NEXMIF: variants seen among roughly 807,000 people sequenced by gnomAD.
The protein encoded by NEXMIF is neurite extension and migration factor.
NEXMIF carries 8 observed loss-of-function variants against 62.1 expected under a neutral mutation model. The observed-to-expected ratio is 0.13, with a 90% CI of 0.08 to 0.23. NEXMIF has a LOEUF of 0.23. NEXMIF is among the 10% of genes least tolerant of loss of function. The pLI, the probability that NEXMIF is intolerant of heterozygous loss-of-function variation, is 1.00. For missense variants in NEXMIF, 976 were observed against 1,113.3 expected (o/e 0.88, Z 1.75); for synonymous variants, 404 against 416.6 (o/e 0.97, Z 0.37).
At chrX:74,770,443 G>C (rs1401491394) in intron 1 of NEXMIF, among the ~76,000 whole-genome samples, 2 of 112,012 alleles carry the variant, frequency 1.8e-5, no homozygotes, top group Non-Finnish European at 3.8e-5. Flanking sequence ...AAAGTAAATA[G>C]ATATGTATGT....
intron 1 of NEXMIF, among the ~76,000 whole-genome samples, chrX:74,817,446 A>G (rs927895081): frequency 8.1e-5 from 9 of 111,741 alleles, no homozygotes; most frequent in Admixed American, 2.9e-4. Context: ...AAAATACACT[A>G]AAGTTCTTTA....
intron 1 of NEXMIF, among the ~76,000 whole-genome samples, chrX:74,912,490 G>A (rs2080793731): frequency 9.0e-6 from 1 of 111,275 alleles, no homozygotes; most frequent in Admixed American, 9.5e-5. Flanking sequence ...ATGGCTGAGA[G>A]GACAAAACTT....
chrX:74,907,854 T>G (rs1004432641), intron 1 of NEXMIF, among the ~76,000 whole-genome samples: 1 of 111,538 alleles, frequency 9.0e-6, no homozygotes, highest in Non-Finnish European at 1.9e-5. Context: ...ACTGTCTCCC[T>G]CAGCTGGCCA....
chrX:74,868,962 T>C (rs913457829), intron 1 of NEXMIF, among the ~76,000 whole-genome samples: 1 of 110,105 alleles, frequency 9.1e-6, no homozygotes, highest in African/African-American at 3.3e-5. Context: ...GAGAAGAAAA[T>C]ACTTCCAATC....
rs767734017 is a variant in NEXMIF at position 74,772,375 on chromosome X, T to C, written c.-47-26678A>G. On this transcript the variant is annotated intron_variant, in intron 1 of 3. Transcript: ENST00000055682. ...ACCAGGGCTATCCTGGAAGACCATA[T>C]TTTGCTTTTCCCCAACATCTTAACA... Among the ~76,000 whole-genome samples, 8 of 112,199 alleles carry C rather than the reference T, an allele frequency of 7.1e-5. No individual in the cohort carries two copies. The South Asian group carries it at 3.0e-3, about 42-fold the overall frequency.
chrX:74,924,455 G>C (rs1442039288), intron 1 of NEXMIF, among the ~76,000 whole-genome samples: 1 of 113,102 alleles, frequency 8.8e-6, no homozygotes, highest in Non-Finnish European at 1.9e-5. Flanking sequence ...GCCCGGCCTC[G>C]GCCGCCGCGT....
chrX:74,816,956 C>T (rs2080377949), intron 1 of NEXMIF, among the ~76,000 whole-genome samples: 1 of 112,100 alleles, frequency 8.9e-6, no homozygotes, highest in Non-Finnish European at 1.9e-5. Flanking sequence ...CAATGCATTT[C>T]AATACACTTG....
At chrX:74,762,582 G>A (rs1409724981) in intron 1 of NEXMIF, among the ~76,000 whole-genome samples, 4 of 111,472 alleles carry the variant, frequency 3.6e-5, no homozygotes, top group African/African-American at 6.5e-5. Flanking sequence ...TCCCACCAAC[G>A]GTGTAAAAGC....
chrX:74,787,415 A>G (rs1199391223), intron 1 of NEXMIF, among the ~76,000 whole-genome samples: 6 of 111,881 alleles, frequency 5.4e-5, no homozygotes, highest in African/African-American at 1.9e-4. Flanking sequence ...CAAGACCTAC[A>G]TAGCTAATTA....
At chrX:74,839,670 G>C (rs1035751313) in intron 1 of NEXMIF, among the ~76,000 whole-genome samples, 1 of 111,772 alleles carries the variant, frequency 8.9e-6, no homozygotes, top group Admixed American at 9.5e-5. Context: ...GCGGTATTTG[G>C]TTTTCTGTTC....
intron 1 of NEXMIF, among the ~76,000 whole-genome samples, chrX:74,814,212 G>A (rs1457323200): frequency 9.0e-6 from 1 of 111,713 alleles, no homozygotes. Context: ...TGAGTCCAAA[G>A]AGTTTAATTG....
rs1304360554 is a variant in NEXMIF, at chrX:74,735,538, T to C, written c.*3867A>G. On this transcript the variant is annotated 3_prime_UTR_variant, in exon 4 of 4. Transcript: ENST00000055682. ...GTTGTTTATAGCTTTTGAAGCATCC[T>C]TTTGCCTCTCTCTTACACACACACA... is the stretch of plus-strand genomic sequence containing the variant. 9.0e-6 allele frequency: 1 copy of C among 111,587 alleles called. No individual in the cohort carries two copies. Among genetic ancestry groups the C allele is most frequent in the African/African-American group, 3.3e-5 (1 of 30,632 alleles). 9.2% of individuals were successfully genotyped at this position (111,587 alleles called of 1,213,427 possible).
At chrX:74,921,828 A>G (rs1006816795) in intron 1 of NEXMIF, among the ~76,000 whole-genome samples, 14 of 111,672 alleles carry the variant, frequency 1.3e-4, no homozygotes, top group African/African-American at 4.2e-4. Flanking sequence ...CCTTTCATCC[A>G]CTTTGGCCCT....
chrX:74,900,628 T>C (rs997637116), intron 1 of NEXMIF, among the ~76,000 whole-genome samples: 1 of 111,280 alleles, frequency 9.0e-6, no homozygotes, highest in Non-Finnish European at 1.9e-5. Context: ...AGATTAAAAA[T>C]AGTCACCATA....
rs185598079 is a variant in NEXMIF, at chrX:74,868,207, G to A, written c.-48+56676C>T. ...GTAAATTAGTTCAACCATTGTGGAA[G>A]ATAGTATGGCAATTCCTCAAAGACC... On this transcript the variant is annotated intron_variant, in intron 1 of 3. Transcript: ENST00000055682. Among the ~76,000 whole-genome samples, 35 of 112,171 alleles carry A rather than the reference G, an allele frequency of 3.1e-4. 1 individual carries two copies. The highest frequency in any genetic ancestry group is 1.1e-3 in the African/African-American group (34 of 30,922).
chrX:74,835,591 T>TC (rs1159723885), intron 1 of NEXMIF, among the ~76,000 whole-genome samples: 1 of 111,562 alleles, frequency 9.0e-6, no homozygotes, highest in Non-Finnish European at 1.9e-5. Flanking sequence ...GAACTCTTGT[T>TC]TTTTTTTGTC....
At position 74,782,512 on chromosome X, in the gene NEXMIF, A is replaced by T. The variant is rs189898403; in HGVS notation, c.-47-36815T>A. Among the ~76,000 whole-genome samples, 15 of 110,696 alleles carry T rather than the reference A, an allele frequency of 1.4e-4. No individual in the cohort carries two copies. The East Asian group carries it at 4.0e-3, about 30-fold the overall frequency. On this transcript the variant is annotated intron_variant, in intron 1 of 3. Transcript: ENST00000055682. ...CCTCCCTACTACAGACCCTTCCTTC[A>T]TATAAGGCCTTCTGTATGGGGCCCT...
intron 1 of NEXMIF, among the ~76,000 whole-genome samples, chrX:74,766,223 A>G (rs1251905440): frequency 9.0e-6 from 1 of 110,581 alleles, no homozygotes; most frequent in African/African-American, 3.3e-5. Flanking sequence ...TGGGATGATC[A>G]TCTTGTGTTG....
At chrX:74,800,827 A>G (rs939652491) in intron 1 of NEXMIF, among the ~76,000 whole-genome samples, 2 of 111,268 alleles carry the variant, frequency 1.8e-5, no homozygotes, top group Non-Finnish European at 3.8e-5. Flanking sequence ...ACTGTTAACT[A>G]AAGTCTATAG....
Sources: allele counts gnomAD v4.1 joint callset (sites outside exome capture counted in the v4.1 genomes callset), GRCh38; gene constraint gnomAD v4.1.1; transcripts MANE v1.5; gene names NCBI Gene and HGNC (gene_info 2026-07-23, HGNC 2026-07-21).